ACSM5: variants seen among roughly 807,000 people sequenced by gnomAD.
ACSM5 encodes the protein acyl-coenzyme A synthetase ACSM5, mitochondrial.
Under a neutral mutation model 71.6 loss-of-function variants are expected in ACSM5, and 56 were observed. That is an observed-to-expected ratio of 0.78 (90% confidence interval 0.63 to 0.98). The LOEUF (loss-of-function observed/expected upper bound fraction) is 0.98. Ranked by LOEUF, ACSM5 falls within the 50% of genes least tolerant of loss-of-function variation. The pLI is 0.00. For synonymous variants in ACSM5, 285 were observed against 281.5 expected (o/e 1.01, Z -0.12); for missense variants, 723 against 726.0 (o/e 1.00, Z 0.05).
intron 5 of ACSM5, among the ~76,000 whole-genome samples, chr16:20,423,268 T>G (rs181364428): frequency 3.3e-4 from 50 of 152,008 alleles, no homozygotes; most frequent in African/African-American, 1.1e-3. Context: ...GAACCAGGAG[T>G]GCGCGTGTCC....
Position 20,437,167 on chromosome 16 carries a change from T to C in ACSM5, c.1424T>C (p.Ile475Thr), listed in dbSNP as rs1463384198. ...TTCATGGGAAGAAACGACGATGTGA[T>C]CAATTCTTCAAGGTCAAGCTGTCTG... is the stretch of plus-strand genomic sequence containing the variant. ...FWFMGRNDDV[I>T]NSSSYRIGPV... The change falls in exon 11 of 14, where the codon ATC becomes ACC. Residue 475 changes from isoleucine (I) to threonine (T), a missense_variant. Ile to Thr is a moderately conservative substitution (Grantham distance 89). Transcript: ENST00000331849. 1 of 1,614,200 alleles carries C rather than the reference T, an allele frequency of 6.2e-7. No individual in the cohort carries two copies. The highest frequency in any genetic ancestry group is 1.1e-5 in the South Asian group (1 of 91,088).
intron 2 of ACSM5, among the ~76,000 whole-genome samples, chr16:20,416,328 C>A (rs1378964344): frequency 6.7e-6 from 1 of 149,702 alleles, no homozygotes; most frequent in East Asian, 2.0e-4. Context: ...TATTTCAAGT[C>A]TACTGCAAAG....
intron 2 of ACSM5, among the ~76,000 whole-genome samples, chr16:20,413,570 A>C (rs1966851329): frequency 6.6e-6 from 1 of 152,244 alleles, no homozygotes; most frequent in African/African-American, 2.4e-5. Context: ...AGTGGGACAA[A>C]CAATAGATTC....
intron 6 of ACSM5, among the ~76,000 whole-genome samples, chr16:20,425,216 T>G (rs1966955147): frequency 6.6e-6 from 1 of 152,210 alleles, no homozygotes; most frequent in South Asian, 2.1e-4. Context: ...TTTTGACTTT[T>G]AAATCTCACA....
chr16:20,410,803 C>G (rs1966846249), intron 1 of ACSM5, among the ~76,000 whole-genome samples: 2 of 152,028 alleles, frequency 1.3e-5, no homozygotes, highest in South Asian at 4.2e-4. Context: ...GCCCATCATG[C>G]CATACAGCAG....
intron 1 of ACSM5, among the ~76,000 whole-genome samples, chr16:20,411,025 T>G (rs1041352674): frequency 2.6e-5 from 4 of 152,244 alleles, no homozygotes; most frequent in African/African-American, 9.6e-5. Flanking sequence ...ATAAAATGTT[T>G]TATTATAATA....
intron 10 of ACSM5, among the ~76,000 whole-genome samples, chr16:20,436,218 TCTTCC>T (rs1311385772): frequency 3.7e-5 from 5 of 135,726 alleles, no homozygotes; most frequent in Non-Finnish European, 7.9e-5. Context: ...TCTTCCCTTC[TCTTCC>T]CTTCCCTTCC....
chr16:20,418,062 G>A lies in ACSM5; in HGVS notation c.208G>A (p.Gly70Arg), dbSNP rs1284718511. The A allele has an allele frequency of 6.2e-7, 1 of 1,613,446 alleles. No individual in the cohort carries two copies. Among genetic ancestry groups the A allele is most frequent in the Non-Finnish European group, 8.5e-7 (1 of 1,179,858 alleles). Reference sequence around the variant, plus strand: ...TTCTGCCTGTACCACCATCTAGGCTGGACACCGCCCCCCAAATCCTGCCTT... The same window carrying A: ...TTCTGCCTGTACCACCATCTAGGCTAGACACCGCCCCCCAAATCCTGCCTT... ...LDVWSRLEEA[G>R]HRPPNPAFWW... Residue 70 changes from glycine to arginine, a missense_variant, in exon 3 of 14, where the codon GGA becomes AGA. Physicochemically the swap from Gly to Arg is moderately radical, Grantham distance 125. Coordinates refer to ENST00000331849, the MANE Select transcript of ACSM5 (RefSeq NM_017888.3).
At chr16:20,412,486 G>T (rs1361645359) in intron 2 of ACSM5, among the ~76,000 whole-genome samples, 2 of 152,176 alleles carry the variant, frequency 1.3e-5, no homozygotes, top group African/African-American at 2.4e-5. Context: ...GTGTCTCTGT[G>T]CATCTGCTTT....
At chr16:20,421,612 T>A (rs1414153397) in intron 5 of ACSM5, among the ~76,000 whole-genome samples, 1 of 63,424 alleles carries the variant, frequency 1.6e-5, no homozygotes, top group Non-Finnish European at 3.1e-5. Flanking sequence ...TTTTAAATCG[T>A]GGCTATATAT....
Position 20,421,278 on chromosome 16 carries a change from A to G in ACSM5, c.644A>G (p.Asn215Ser), listed in dbSNP as rs1222455621. 6.2e-7 allele frequency: 1 copy of G among 1,604,392 alleles called. No homozygotes were observed. ...TACAGGGAGGCTTCTACAGAGCACA[A>G]CTGCATGAGGACAAAGAGTCGAGAC... ...ELLREASTEHNCMRTKSRDPL... is the reference protein window; with the variant it reads ...ELLREASTEHSCMRTKSRDPL... The change falls in exon 5 of 14, where the codon AAC becomes AGC. Residue 215 changes from asparagine (N) to serine (S), a missense_variant. Coordinates refer to ENST00000331849, the MANE Select transcript of ACSM5 (RefSeq NM_017888.3).
chr16:20,419,467 A>G, intron 4 of ACSM5, 32 bp downstream of exon 4: 1 of 1,602,732 alleles, frequency 6.2e-7, no homozygotes, highest in Admixed American at 1.7e-5. Context: ...CAGCAGAAAA[A>G]TGAAGTCATT....
intron 4 of ACSM5, chr16:20,421,045 T>C (rs59296727): frequency 0.12 from 49,125 of 415,118 alleles, 7,047 homozygotes; most frequent in African/African-American, 0.49. Flanking sequence ...ATTATTTATC[T>C]ATTTTGAGCC....
At chr16:20,423,329 T>A (rs772925318) in intron 5 of ACSM5, among the ~76,000 whole-genome samples, 4 of 152,218 alleles carry the variant, frequency 2.6e-5, no homozygotes, top group African/African-American at 7.2e-5. Flanking sequence ...TTGCAGACAC[T>A]GTTTCCCATT....
chr16:20,419,457 C>G (rs754967486), intron 4 of ACSM5, 22 bp downstream of exon 4: 1 of 1,610,426 alleles, frequency 6.2e-7, no homozygotes, highest in Non-Finnish European at 8.5e-7. Context: ...CTCTCCAGAA[C>G]AGCAGAAAAA....
rs150645471 is a variant in ACSM5 at position 20,421,343 on chromosome 16, C to G, written c.709C>G (p.Pro237Ala). ...CTTTACCAGCGGAACCACCGGGGCC[C>G]CCAAGATGGTCGAGCACTCCCAGAG... ...IYFTSGTTGA[P>A]KMVEHSQSSY... Residue 237 changes from proline to alanine, a missense_variant, in exon 5 of 14, where the codon CCC becomes GCC. Coordinates refer to ENST00000331849, the MANE Select transcript of ACSM5 (RefSeq NM_017888.3). 1.1e-3 allele frequency: 1,812 copies of G among 1,609,446 alleles called. 22 individuals carry two copies. The East Asian group carries it at 0.018, about 16-fold the overall frequency.
intron 5 of ACSM5, among the ~76,000 whole-genome samples, chr16:20,423,043 C>T (rs1484391001): frequency 6.6e-6 from 1 of 152,178 alleles, no homozygotes; most frequent in African/African-American, 2.4e-5. Context: ...TTTGGATACA[C>T]ATGTCTGAAG....
intron 5 of ACSM5, among the ~76,000 whole-genome samples, chr16:20,423,301 T>G (rs775876869): frequency 1.3e-5 from 2 of 152,186 alleles, no homozygotes; most frequent in Non-Finnish European, 2.9e-5. Flanking sequence ...GCATGACCGC[T>G]TTTTATGTCT....
At chr16:20,425,833 T>C (rs1287979920) in intron 6 of ACSM5, among the ~76,000 whole-genome samples, 1 of 152,008 alleles carries the variant, frequency 6.6e-6, no homozygotes, top group African/African-American at 2.4e-5. Context: ...CACCTGTTGA[T>C]TTATGGGCAT....
Sources: allele counts gnomAD v4.1 joint callset (sites outside exome capture counted in the v4.1 genomes callset), GRCh38; gene constraint gnomAD v4.1.1; transcripts MANE v1.5; gene names NCBI Gene and HGNC (gene_info 2026-07-23, HGNC 2026-07-21).